LTBP1: variants seen among roughly 807,000 people sequenced by gnomAD.
The protein encoded by LTBP1 is latent-transforming growth factor beta-binding protein 1.
In LTBP1, 129 loss-of-function variants were observed where a neutral mutation model predicts 207.6. The ratio of observed to expected loss-of-function variants is 0.62; its 90% CI spans 0.54 to 0.72. LTBP1 has a LOEUF of 0.72. Ranked by LOEUF, LTBP1 falls within the 30% of genes least tolerant of loss-of-function variation. The pLI, the probability that LTBP1 is intolerant of heterozygous loss-of-function variation, is 0.00. For missense variants in LTBP1, 2,281 were observed against 2,217.2 expected, an observed-to-expected ratio of 1.03 and a Z score of -0.58; for synonymous variants, 963 against 833.7, an observed-to-expected ratio of 1.16 and a Z score of -2.67.
intron 31 of LTBP1, among the ~76,000 whole-genome samples, chr2:33,372,360 A>G (rs192710256): frequency 3.3e-5 from 5 of 152,212 alleles, no homozygotes; most frequent in African/African-American, 1.2e-4. Flanking sequence ...GTGCTAAAAG[A>G]AAAACTGATT....
At chr2:33,394,435 CATGTA>C in intron 32 of LTBP1, among the ~76,000 whole-genome samples, 1 of 152,288 alleles carries the variant, frequency 6.6e-6, no homozygotes, top group African/African-American at 2.4e-5. Context: ...TTAGGTCTAA[CATGTA>C]AGTCTTTAAT....
At chr2:33,012,792 A>G (rs1257614867) in intron 2 of LTBP1, among the ~76,000 whole-genome samples, 1 of 152,224 alleles carries the variant, frequency 6.6e-6, no homozygotes, top group African/African-American at 2.4e-5. Flanking sequence ...TTATAACAAT[A>G]TATGTGCATA....
At chr2:33,065,286 G>A (rs945724751) in intron 3 of LTBP1, among the ~76,000 whole-genome samples, 3 of 152,130 alleles carry the variant, frequency 2.0e-5, no homozygotes, top group Non-Finnish European at 4.4e-5. Flanking sequence ...GTGAGGCATG[G>A]TGGTTATACC....
intron 19 of LTBP1, among the ~76,000 whole-genome samples, chr2:33,287,507 G>C (rs1458812722): frequency 6.6e-6 from 1 of 152,242 alleles, no homozygotes; most frequent in Non-Finnish European, 1.5e-5. Context: ...GCAAGCAGCA[G>C]TAACAATGGC....
intron 32 of LTBP1, among the ~76,000 whole-genome samples, chr2:33,391,582 C>T (rs1323805641): frequency 1.3e-5 from 2 of 152,156 alleles, no homozygotes; most frequent in Non-Finnish European, 2.9e-5. Context: ...TCCTCAATAA[C>T]TCTGTTCTTA....
chr2:33,254,785 C>A (rs1230569767), intron 11 of LTBP1, among the ~76,000 whole-genome samples: 1 of 87,230 alleles, frequency 1.1e-5, no homozygotes, highest in Non-Finnish European at 2.0e-5. Context: ...GTGTGATGTT[C>A]CCCTTCCTGT....
intron 4 of LTBP1, among the ~76,000 whole-genome samples, chr2:33,122,728 T>C (rs2081209711): frequency 1.3e-5 from 2 of 152,220 alleles, no homozygotes; most frequent in Admixed American, 1.3e-4. Context: ...ATAGTGGGGT[T>C]GCTACAAGTG....
intron 20 of LTBP1, among the ~76,000 whole-genome samples, chr2:33,299,551 TGAA>T (rs2093944750): frequency 1.3e-5 from 2 of 152,230 alleles, no homozygotes; most frequent in Admixed American, 6.5e-5. Flanking sequence ...ATGTAGGTGA[TGAA>T]GATCAGTTGT....
chr2:33,142,094 C>T (rs2082680373), intron 5 of LTBP1, among the ~76,000 whole-genome samples: 1 of 152,116 alleles, frequency 6.6e-6, no homozygotes, highest in Non-Finnish European at 1.5e-5. Context: ...CTCTGTCTCC[C>T]AGGCTGGAGT....
chr2:33,141,462 T>A (rs1191265958), intron 5 of LTBP1, among the ~76,000 whole-genome samples: 1 of 152,234 alleles, frequency 6.6e-6, no homozygotes, highest in African/African-American at 2.4e-5. Flanking sequence ...AAAACACATT[T>A]TAAAAATATA....
intron 5 of LTBP1, among the ~76,000 whole-genome samples, chr2:33,147,037 A>G (rs966884465): frequency 6.6e-6 from 1 of 152,232 alleles, no homozygotes; most frequent in African/African-American, 2.4e-5. Context: ...AAATGTTTAC[A>G]GGGTAGGATA....
chr2:32,951,928 A>C (rs1297900946), intron 2 of LTBP1, among the ~76,000 whole-genome samples: 1 of 152,222 alleles, frequency 6.6e-6, no homozygotes, highest in Non-Finnish European at 1.5e-5. Context: ...TGATACGCCC[A>C]CATGAAGTTC....
At chr2:33,006,922 G>A (rs1178978556) in intron 2 of LTBP1, among the ~76,000 whole-genome samples, 2 of 152,122 alleles carry the variant, frequency 1.3e-5, no homozygotes, top group Non-Finnish European at 2.9e-5. Flanking sequence ...GAGAGGAATG[G>A]CCTTATATTT....
intron 32 of LTBP1, among the ~76,000 whole-genome samples, chr2:33,390,699 C>T (rs1225099799): frequency 1.3e-5 from 2 of 151,980 alleles, no homozygotes; most frequent in African/African-American, 4.8e-5. Context: ...ACCATGTTGT[C>T]CAGGCTGGTC....
intron 31 of LTBP1, among the ~76,000 whole-genome samples, chr2:33,379,460 C>A (rs1461021142): frequency 6.6e-6 from 1 of 152,168 alleles, no homozygotes; most frequent in South Asian, 2.1e-4. Context: ...CCACCCACCT[C>A]GGCCTCCCAA....
chr2:32,961,130 A>G lies in LTBP1; in HGVS notation c.565+12185A>G, dbSNP rs534551634. Among the ~76,000 whole-genome samples, 12 of 152,332 alleles carry G rather than the reference A, an allele frequency of 7.9e-5. No homozygotes were observed. The South Asian group carries it at 2.5e-3, about 32-fold the overall frequency. On this transcript the variant is annotated intron_variant, in intron 2 of 33. Transcript: ENST00000404816. ...TAGATCACTTTGATTGCTATTTTTT[A>G]TTGATGAGAAAAACTGCACGTGGAA...
intron 31 of LTBP1, 103 bp downstream of exon 31, chr2:33,365,606 C>A: frequency 1.8e-6 from 2 of 1,110,414 alleles, no homozygotes; most frequent in East Asian, 2.5e-5. Context: ...GCCTTCACTC[C>A]TGATATCTTA....
At chr2:33,078,862 C>T (rs846465) in intron 3 of LTBP1, among the ~76,000 whole-genome samples, 64,575 of 107,450 alleles carry the variant, frequency 0.6, 22,171 homozygotes, top group East Asian at 0.98. Flanking sequence ...CTTTTCTTTT[C>T]TTTTTTTTTT....
chr2:33,318,648 C>A lies in LTBP1; in HGVS notation c.3730+3379C>A, dbSNP rs151218757. Among the ~76,000 whole-genome samples, 3 of 152,288 alleles carry A rather than the reference C, an allele frequency of 2.0e-5. No homozygotes were observed. The East Asian group carries it at 5.8e-4, about 29-fold the overall frequency. Reference sequence around the variant, plus strand: ...AGGGGAACAGGACTCTTCTGATTGACTTCTGCTACACTTCCCTTTCCTCTC... The same window carrying A: ...AGGGGAACAGGACTCTTCTGATTGAATTCTGCTACACTTCCCTTTCCTCTC... On this transcript the variant is annotated intron_variant, in intron 24 of 33. Coordinates refer to ENST00000404816, the MANE Select transcript of LTBP1 (RefSeq NM_206943.4).
Sources: allele counts gnomAD v4.1 joint callset (sites outside exome capture counted in the v4.1 genomes callset), GRCh38; gene constraint gnomAD v4.1.1; transcripts MANE v1.5; gene names NCBI Gene and HGNC (gene_info 2026-07-23, HGNC 2026-07-21).